TMEM243: variants seen among roughly 807,000 people sequenced by gnomAD.
TMEM243 encodes transmembrane protein 243.
A neutral mutation model predicts 15.0 loss-of-function variants in TMEM243; 20 were observed. That is an observed-to-expected ratio of 1.33 (90% CI 0.94 to 1.93). The LOEUF is 1.93. Ranked by LOEUF, TMEM243 falls within the 30% of genes most tolerant of loss-of-function variation. TMEM243 has a pLI of 0.00. For missense variants in TMEM243, 156 were observed against 142.1 expected (o/e 1.10, Z -0.50); for synonymous variants, 72 against 52.7 (o/e 1.37, Z -1.59).
At chr7:87,214,402 T>C (rs1355498350) in intron 1 of TMEM243, among the ~76,000 whole-genome samples, 1 of 152,182 alleles carries the variant, frequency 6.6e-6, no homozygotes, top group Non-Finnish European at 1.5e-5. Context: ...GGTTTTAGTT[T>C]ACCCTAGGGG....
chr7:87,200,001 A>T (rs1363005336), intron 1 of TMEM243, among the ~76,000 whole-genome samples: 1 of 152,200 alleles, frequency 6.6e-6, no homozygotes, highest in Non-Finnish European at 1.5e-5. Flanking sequence ...GATATGGAAC[A>T]TGCCGCCAAT....
chr7:87,209,649 T>TGAGAGAGCGA (rs1235702211), intron 1 of TMEM243, among the ~76,000 whole-genome samples: 2 of 30,090 alleles, frequency 6.6e-5, no homozygotes, highest in African/African-American at 3.3e-4. Flanking sequence ...AGAGAGACAG[T>TGAGAGAGCGA]GAGAGACAGA....
chr7:87,206,244 G>A (rs1802208944), intron 1 of TMEM243, among the ~76,000 whole-genome samples: 1 of 152,148 alleles, frequency 6.6e-6, no homozygotes, highest in African/African-American at 2.4e-5. Flanking sequence ...ACATTTGGGT[G>A]AGGACACAGG....
At chr7:87,203,109 T>A (rs967998360) in intron 1 of TMEM243, 1 of 152,286 alleles carries the variant, frequency 6.6e-6, no homozygotes, top group African/African-American at 2.4e-5. Context: ...CCTGGAAATA[T>A]CCTGGTTCTA....
intron 1 of TMEM243, among the ~76,000 whole-genome samples, chr7:87,207,167 T>C (rs1211049132): frequency 6.6e-6 from 1 of 152,234 alleles, no homozygotes; most frequent in African/African-American, 2.4e-5. Flanking sequence ...CCAGTTACTT[T>C]CTGCTAGGGC....
At position 87,196,639 on chromosome 7, in the gene TMEM243, C is replaced by A; in HGVS notation, c.354G>T (p.Arg118Ser). 6.2e-7 allele frequency: 1 copy of A among 1,608,388 alleles called. No homozygotes were observed. The highest frequency in any genetic ancestry group is 8.5e-7 in the Non-Finnish European group (1 of 1,177,584). Residue 118 changes from arginine to serine, a missense_variant, in exon 4 of 4, where the codon AGG becomes AGT. Coordinates refer to ENST00000257637, the MANE Select transcript of TMEM243 (RefSeq NM_024315.4). ...TAAGTACTTCTCCTTGGCAGCCTCA[C>A]CTTCCCACATCATGGAAGTACAGGT... is the stretch of plus-strand genomic sequence containing the variant. ...CANLYFHDVG[R>S]
rs1285160448 is a variant in TMEM243, at chr7:87,198,270, A to C, written c.130-225T>G. On this transcript the variant is annotated intron_variant, in intron 2 of 3. Coordinates refer to ENST00000257637, the MANE Select transcript of TMEM243 (RefSeq NM_024315.4). ...TACTTATGAAAGGAGAGAAAACATC[A>C]GTAATACTAGCTGATGCCAAAATAA... 5 of 434,682 alleles carry C rather than the reference A, an allele frequency of 1.2e-5. No individual in the cohort carries two copies. The East Asian group carries it at 1.8e-4, about 16-fold the overall frequency. 26.9% of individuals were successfully genotyped at this position (434,682 alleles called of 1,614,324 possible). A position where few individuals can be genotyped will look rare whatever the true frequency, so the allele number is the denominator to read the frequency against.
chr7:87,205,696 C>CT (rs1470423374), intron 1 of TMEM243, among the ~76,000 whole-genome samples: 1 of 152,122 alleles, frequency 6.6e-6, no homozygotes, highest in Non-Finnish European at 1.5e-5. Context: ...ACCTTATTGT[C>CT]CATATCACTA....
At chr7:87,219,365 G>C in intron 1 of TMEM243, 61 bp downstream of exon 1, 1 of 1,552,172 alleles carries the variant, frequency 6.4e-7, no homozygotes, top group Non-Finnish European at 8.9e-7. Context: ...CCCGGACTCC[G>C]CCAGAGGGCA....
chr7:87,205,274 T>C (rs1802122764), intron 1 of TMEM243, among the ~76,000 whole-genome samples: 1 of 152,104 alleles, frequency 6.6e-6, no homozygotes, highest in African/African-American at 2.4e-5. Context: ...CCCATTGTCT[T>C]GGGGATTAAC....
At chr7:87,209,501 A>T (rs1424304017) in intron 1 of TMEM243, among the ~76,000 whole-genome samples, 5 of 145,950 alleles carry the variant, frequency 3.4e-5, no homozygotes, top group Non-Finnish European at 4.5e-5. Context: ...AGAGAGAGAG[A>T]GAGTGAGAAA....
At chr7:87,197,688 ATTTTTTTTTTT>A (rs71906317) in intron 3 of TMEM243, 50 of 982,100 alleles carry the variant, frequency 5.1e-5, no homozygotes, top group East Asian at 4.3e-4. Context: ...CTTTCCACTA[ATTTTTTTTTTT>A]TTTTTTTTTT....
Position 87,196,649 on chromosome 7 carries a change from T to C in TMEM243, c.344A>G (p.Asp115Gly), listed in dbSNP as rs950098917. 25 of 1,608,962 alleles carry C rather than the reference T, an allele frequency of 1.6e-5. No homozygotes were observed. The highest frequency in any genetic ancestry group is 2.0e-5 in the Non-Finnish European group (24 of 1,177,768). ...LCICANLYFH[D>G]VGR ...TCCTTGGCAGCCTCACCTTCCCACATCATGGAAGTACAGGTTTGCACATAT... is the reference window on the plus strand; with the variant it reads ...TCCTTGGCAGCCTCACCTTCCCACACCATGGAAGTACAGGTTTGCACATAT... Residue 115 changes from aspartate to glycine, a missense_variant, in exon 4 of 4, where the codon GAT (aspartate) becomes GGT (glycine). By Grantham distance (94) the Asp-to-Gly change is moderately conservative. Transcript: ENST00000257637.
At position 87,219,715 on chromosome 7, in the gene TMEM243, G is replaced by C. The variant is rs1029893551; in HGVS notation, c.-212C>G. ...GGCCCCGCGCACCTCCTCATCTTGA[G>C]CAGCTGCCGCAGGAAGTGAAAGGAA... On this transcript the variant is annotated 5_prime_UTR_variant, in exon 1 of 4. Transcript: ENST00000257637. 6.9e-6 allele frequency: 4 copies of C among 577,830 alleles called. No homozygotes were observed. The African/African-American group carries it at 7.5e-5, about 11-fold the overall frequency. The allele number at this position is 577,830 out of a possible 1,614,324, so 35.8% of individuals were successfully genotyped here.
intron 1 of TMEM243, among the ~76,000 whole-genome samples, chr7:87,212,858 C>G (rs1384040922): frequency 6.6e-6 from 1 of 152,162 alleles, no homozygotes; most frequent in Non-Finnish European, 1.5e-5. Flanking sequence ...GAAACTGGCA[C>G]CTACCATTAA....
At chr7:87,201,667 A>G (rs1487718942) in intron 1 of TMEM243, among the ~76,000 whole-genome samples, 4 of 152,210 alleles carry the variant, frequency 2.6e-5, no homozygotes, top group African/African-American at 7.2e-5. Context: ...GTACATGGAG[A>G]AAAGTGAGTA....
intron 3 of TMEM243, chr7:87,197,681 T>C (rs1343244789): frequency 6.9e-6 from 9 of 1,311,988 alleles, no homozygotes; most frequent in Non-Finnish European, 8.9e-6. Context: ...CCTACGTCTT[T>C]CCACTAATTT....
At chr7:87,203,230 C>T (rs1801948083) in intron 1 of TMEM243, among the ~76,000 whole-genome samples, 1 of 152,092 alleles carries the variant, frequency 6.6e-6, no homozygotes, top group Non-Finnish European at 1.5e-5. Flanking sequence ...ATAATAAAAC[C>T]CTAACCTAAC....
chr7:87,197,021 G>A (rs1384500701), intron 3 of TMEM243, among the ~76,000 whole-genome samples: 2 of 152,034 alleles, frequency 1.3e-5, no homozygotes, highest in East Asian at 3.9e-4. Flanking sequence ...CATCTGGCAA[G>A]CTATCCAAGA....
Sources: allele counts gnomAD v4.1 joint callset (sites outside exome capture counted in the v4.1 genomes callset), GRCh38; gene constraint gnomAD v4.1.1; transcripts MANE v1.5; gene names NCBI Gene and HGNC (gene_info 2026-07-23, HGNC 2026-07-21).